The following ADARB2 variants were observed in gnomAD, a reference collection of about 807,000 sequenced individuals.
ADARB2 encodes the protein adenosine deaminase RNA specific B2 (inactive), also known as inactive double-stranded RNA-specific editase B2.
In ADARB2, 25 loss-of-function variants were observed where a neutral mutation model predicts 62.2. That is an observed-to-expected ratio of 0.40 (90% confidence interval 0.29 to 0.56). ADARB2 has a LOEUF of 0.56. ADARB2 is among the 20% of genes least tolerant of loss of function. The pLI is 0.43. For missense variants in ADARB2, 1,071 were observed against 1,077.4 expected, an observed-to-expected ratio of 0.99 and a Z score of 0.08; for synonymous variants, 572 against 500.8, an observed-to-expected ratio of 1.14 and a Z score of -1.90.
chr10:1,579,211 C>T (rs561428768), intron 1 of ADARB2, among the ~76,000 whole-genome samples: 10 of 152,282 alleles, frequency 6.6e-5, no homozygotes, highest in African/African-American at 2.2e-4. Flanking sequence ...ATGTCGGTCA[C>T]CTGTTCGAGG....
intron 1 of ADARB2, among the ~76,000 whole-genome samples, chr10:1,681,341 A>G (rs1009387348): frequency 4.6e-5 from 7 of 152,200 alleles, no homozygotes; most frequent in African/African-American, 1.7e-4. Context: ...CACATGTGGT[A>G]TGGTTCTTAA....
chr10:1,629,538 T>C (rs1451517309), intron 1 of ADARB2, among the ~76,000 whole-genome samples: 1 of 31,446 alleles, frequency 3.2e-5, no homozygotes, highest in Non-Finnish European at 6.0e-5. Context: ...GTCCCCCCAG[T>C]ACTCAAACCC....
At chr10:1,372,464 T>A (rs879896301) in intron 2 of ADARB2, among the ~76,000 whole-genome samples, 3 of 33,680 alleles carry the variant, frequency 8.9e-5, no homozygotes, top group Non-Finnish European at 8.5e-4. Context: ...TAAAATAAAA[T>A]TAAATTAAAT....
chr10:1,712,654 A>C (rs80231923), intron 1 of ADARB2, among the ~76,000 whole-genome samples: 130,675 of 130,698 alleles, frequency 1, 65,326 homozygotes, highest in Middle Eastern at 1. Context: ...TCCCCCAGGG[A>C]AGGAGGGCAC....
intron 1 of ADARB2, among the ~76,000 whole-genome samples, chr10:1,445,638 C>T (rs974597676): frequency 2.0e-5 from 3 of 152,210 alleles, no homozygotes; most frequent in African/African-American, 7.2e-5. Context: ...TAATATAGAA[C>T]CATGCTCTTA....
chr10:1,633,128 T>C (rs978559296), intron 1 of ADARB2, among the ~76,000 whole-genome samples: 1 of 152,190 alleles, frequency 6.6e-6, no homozygotes, highest in Admixed American at 6.5e-5. Flanking sequence ...CTTCTGCCTC[T>C]GGACTCAGGC....
chr10:1,678,070 A>G (rs775976905), intron 1 of ADARB2: 89 of 680,462 alleles, frequency 1.3e-4, no homozygotes, highest in Non-Finnish European at 1.6e-4. Context: ...GAACTACACC[A>G]CAGGCCTAGT....
chr10:1,726,114 TGCA>T (rs1391805813), intron 1 of ADARB2, among the ~76,000 whole-genome samples: 1 of 152,240 alleles, frequency 6.6e-6, no homozygotes, highest in African/African-American at 2.4e-5. Context: ...GCCCAACTGC[TGCA>T]GCCAATATTC....
At chr10:1,436,742 T>TA (rs1348988290) in intron 1 of ADARB2, among the ~76,000 whole-genome samples, 1 of 152,208 alleles carries the variant, frequency 6.6e-6, no homozygotes, top group African/African-American at 2.4e-5. Flanking sequence ...TTCATTTAAA[T>TA]AAAAAAGTCT....
At chr10:1,499,210 T>C (rs909519796) in intron 1 of ADARB2, among the ~76,000 whole-genome samples, 5 of 151,886 alleles carry the variant, frequency 3.3e-5, no homozygotes, top group African/African-American at 9.7e-5. Flanking sequence ...TACTTAACAC[T>C]CATTCATTAC....
At chr10:1,594,384 A>G (rs1833304841) in intron 1 of ADARB2, among the ~76,000 whole-genome samples, 1 of 152,162 alleles carries the variant, frequency 6.6e-6, no homozygotes, top group Admixed American at 6.5e-5. Context: ...CCTCCTGTCC[A>G]CATAGCTGTA....
At position 1,704,107 on chromosome 10, in the gene ADARB2, T is replaced by A. The variant is rs929255064; in HGVS notation, c.100+32944A>T. 3.3e-5 allele frequency among the ~76,000 whole-genome samples: 5 copies of A among 152,318 alleles called. No homozygotes were observed. Among genetic ancestry groups the A allele is most frequent in the Admixed American group, 6.5e-5 (1 of 15,306 alleles). ...GTCAGGAATCCAGGAGCAGCCTCAC[T>A]CTTGCTGTAAGACAGCGGTCCTGTC... On this transcript the variant is annotated intron_variant, in intron 1 of 9. Coordinates refer to ENST00000381312, the MANE Select transcript of ADARB2 (RefSeq NM_018702.4). This position sits in a 1 kb window ranked among gnomAD's most constrained non-coding sequence, Gnocchi z 5.6.
At chr10:1,640,536 A>C (rs1833968280) in intron 1 of ADARB2, among the ~76,000 whole-genome samples, 1 of 152,208 alleles carries the variant, frequency 6.6e-6, no homozygotes. Context: ...AAATCATAAA[A>C]ATGGCGGATG....
At chr10:1,521,543 C>T (rs928667338) in intron 1 of ADARB2, among the ~76,000 whole-genome samples, 1 of 152,194 alleles carries the variant, frequency 6.6e-6, no homozygotes, top group Non-Finnish European at 1.5e-5. Flanking sequence ...TGATGCCTCT[C>T]CGGCATTAAC....
chr10:1,466,585 T>A (rs1831258193), intron 1 of ADARB2, among the ~76,000 whole-genome samples: 1 of 152,124 alleles, frequency 6.6e-6, no homozygotes, highest in Non-Finnish European at 1.5e-5. Flanking sequence ...CAGGGTGGAT[T>A]CAGGCCCGCC....
At chr10:1,316,583 A>T (rs1247484774) in intron 3 of ADARB2, among the ~76,000 whole-genome samples, 2 of 152,218 alleles carry the variant, frequency 1.3e-5, no homozygotes, top group Non-Finnish European at 2.9e-5. Flanking sequence ...TGTTTAAAAA[A>T]TGGTACAACC....
rs532493693 is a variant in ADARB2, at chr10:1,451,043, G to A, written c.101-71883C>T. Among the ~76,000 whole-genome samples the A allele has an allele frequency of 2.0e-5, 3 of 152,368 alleles. No homozygotes were observed. The South Asian group carries it at 6.2e-4, about 32-fold the overall frequency. Reference sequence around the variant, plus strand: ...GTGCAAGCCAGAAACACAGAGAGATGTGTGTGCCAACAAAACCTGGAAAAT... The same window carrying A: ...GTGCAAGCCAGAAACACAGAGAGATATGTGTGCCAACAAAACCTGGAAAAT... On this transcript the variant is annotated intron_variant, in intron 1 of 9. Coordinates refer to ENST00000381312, the MANE Select transcript of ADARB2 (RefSeq NM_018702.4).
intron 3 of ADARB2, among the ~76,000 whole-genome samples, chr10:1,280,377 C>T (rs192809343): frequency 1.3e-5 from 2 of 152,180 alleles, no homozygotes; most frequent in African/African-American, 2.4e-5. Context: ...TGCTCTCTGC[C>T]CCTCATAGGC....
At chr10:1,634,431 C>A (rs1481980669) in intron 1 of ADARB2, among the ~76,000 whole-genome samples, 2 of 152,132 alleles carry the variant, frequency 1.3e-5, no homozygotes, top group Admixed American at 1.3e-4. Context: ...AAACGTGGAC[C>A]CCCAGGGACC....
Sources: gnomAD v4.1 joint callset for allele counts (sites outside exome capture counted in the v4.1 genomes callset) on GRCh38, gnomAD v4.1.1 for gene constraint, Gnocchi (gnomAD v3.1) non-coding constraint, MANE v1.5 for transcripts, NCBI Gene and HGNC (gene_info 2026-07-23, HGNC 2026-07-21) for gene names.